CELF2: variants seen among roughly 807,000 people sequenced by gnomAD.
CELF2 encodes CUGBP Elav-like family member 2.
CELF2 carries 8 observed loss-of-function variants against 62.6 expected under a neutral mutation model. The observed-to-expected ratio is 0.13, with a 90% confidence interval of 0.07 to 0.23. CELF2 has a LOEUF of 0.23. CELF2 is among the 10% of genes least tolerant of loss of function. The pLI is 1.00. For missense variants in CELF2, 333 were observed against 671.0 expected, an observed-to-expected ratio of 0.50 and a Z score of 5.56; for synonymous variants, 258 against 250.0, an observed-to-expected ratio of 1.03 and a Z score of -0.30.
the CELF2 span, among the ~76,000 whole-genome samples, chr10:10,730,239 G>C: frequency 6.6e-6 from 1 of 152,162 alleles, no homozygotes; most frequent in African/African-American, 2.4e-5. Flanking sequence ...CTCTTTGGGA[G>C]GCCAAAGTAG....
chr10:11,065,700 A>C (rs200563661), intron 1 of CELF2, among the ~76,000 whole-genome samples: 2 of 151,834 alleles, frequency 1.3e-5, no homozygotes, highest in Non-Finnish European at 2.9e-5. Context: ...GACAAACCCC[A>C]CCCCCCGCCA....
rs749051644 is a variant in CELF2, at chr10:11,290,426, G to T, written c.976+1874G>T. 2.0e-5 allele frequency among the ~76,000 whole-genome samples: 3 copies of T among 151,970 alleles called. No individual in the cohort carries two copies. Among genetic ancestry groups the T allele is most frequent in the Non-Finnish European group, 4.4e-5 (3 of 68,016 alleles). ...GTGGACCGCGTCCGTTCCAGCCCAC[G>T]TTGGGAGGAGTGTGAGCTTGTTGCA... On this transcript the variant is annotated intron_variant, in intron 9 of 12. Coordinates refer to ENST00000633077, the MANE Select transcript of CELF2 (RefSeq NM_001326342.2). This position sits in a 1 kb window ranked among gnomAD's most constrained non-coding sequence, Gnocchi z 4.3.
the CELF2 span, among the ~76,000 whole-genome samples, chr10:10,697,833 G>A: frequency 0.21 from 31,623 of 152,052 alleles, 3,601 homozygotes; most frequent in South Asian, 0.43. Flanking sequence ...TGTCACCCAG[G>A]CTGGAGTCCA....
chr10:10,924,898 C>T (rs1046111737), intron 2 of CELF2: 4 of 152,024 alleles, frequency 2.6e-5, no homozygotes, highest in African/African-American at 9.7e-5. Context: ...AGACAAAAGC[C>T]GTTATATGCC....
intron 1 of CELF2, among the ~76,000 whole-genome samples, chr10:11,121,665 A>T (rs2057765279): frequency 6.6e-6 from 1 of 152,192 alleles, no homozygotes; most frequent in Admixed American, 6.5e-5. Flanking sequence ...AGTGCAATGA[A>T]GTAAGCTTGC....
At chr10:10,651,789 A>T in the CELF2 span, among the ~76,000 whole-genome samples, 1 of 151,966 alleles carries the variant, frequency 6.6e-6, no homozygotes, top group Non-Finnish European at 1.5e-5. Flanking sequence ...GCACAGAAAA[A>T]CTGGAAACTC....
At chr10:11,186,839 T>C (rs920753254) in intron 2 of CELF2, among the ~76,000 whole-genome samples, 12 of 152,180 alleles carry the variant, frequency 7.9e-5, no homozygotes, top group Admixed American at 4.6e-4. Context: ...GATCTCAACC[T>C]GTATTTGAGA....
At chr10:10,486,986 T>C in the CELF2 span, among the ~76,000 whole-genome samples, 10 of 152,192 alleles carry the variant, frequency 6.6e-5, no homozygotes, top group African/African-American at 2.4e-4. Context: ...TAGTATAAAA[T>C]TAAATTTCCC....
Position 11,227,560 on chromosome 10 carries a change from C to T in CELF2, c.354+10053C>T, listed in dbSNP as rs1312009197. 1.3e-5 allele frequency among the ~76,000 whole-genome samples: 2 copies of T among 152,198 alleles called. No homozygotes were observed. Among genetic ancestry groups the T allele is most frequent in the Non-Finnish European group, 2.9e-5 (2 of 68,038 alleles). Reference sequence around the variant, plus strand: ...ACTGGCTGCGATATTAGGGCCAGTTCTGGGTTGGCTCTGTCTAGCCATCAC... The same window carrying T: ...ACTGGCTGCGATATTAGGGCCAGTTTTGGGTTGGCTCTGTCTAGCCATCAC... On this transcript the variant is annotated intron_variant, in intron 3 of 12. Transcript: ENST00000633077. The surrounding 1 kb of genome is among the most constrained non-coding windows in gnomAD (Gnocchi z 4.8).
intron 2 of CELF2, among the ~76,000 whole-genome samples, chr10:11,209,355 A>C (rs1375450385): frequency 4.0e-5 from 6 of 151,744 alleles, no homozygotes; most frequent in African/African-American, 1.5e-4. Context: ...AGAGTCGGTC[A>C]TAGTGCCCTG....
the CELF2 span, among the ~76,000 whole-genome samples, chr10:10,536,947 G>C: frequency 6.6e-6 from 1 of 152,288 alleles, no homozygotes; most frequent in Admixed American, 6.5e-5. Flanking sequence ...AGTGTTGCTG[G>C]GGCAAGAGGA....
intron 3 of CELF2, among the ~76,000 whole-genome samples, chr10:11,241,492 G>A (rs760932113): frequency 1.6e-4 from 24 of 152,222 alleles, no homozygotes; most frequent in Non-Finnish European, 3.2e-4. Flanking sequence ...GAGTGACCGC[G>A]CTGGGCCAGC....
At chr10:10,672,082 C>T in the CELF2 span, among the ~76,000 whole-genome samples, 3 of 152,128 alleles carry the variant, frequency 2.0e-5, no homozygotes, top group African/African-American at 7.2e-5. Context: ...CATTTTTTAA[C>T]TGGGTTGTTT....
chr10:10,632,004 G>A, the CELF2 span, among the ~76,000 whole-genome samples: 1 of 152,100 alleles, frequency 6.6e-6, no homozygotes, highest in Non-Finnish European at 1.5e-5. Context: ...ATAAACGAGA[G>A]GCCTGTGAAA....
intron 1 of CELF2, among the ~76,000 whole-genome samples, chr10:11,135,936 A>C (rs1221481621): frequency 6.6e-6 from 1 of 152,220 alleles, no homozygotes; most frequent in Non-Finnish European, 1.5e-5. Flanking sequence ...TAGGATTGGC[A>C]GTTGGACCAC....
Position 11,333,424 on chromosome 10 carries a change from C to G in CELF2, c.*4371C>G, listed in dbSNP as rs1192374359. 2 of 152,496 alleles carry G rather than the reference C, an allele frequency of 1.3e-5. No individual in the cohort carries two copies. The highest frequency in any genetic ancestry group is 4.8e-5 in the African/African-American group (2 of 41,390). 9.4% of individuals were successfully genotyped at this position (152,496 alleles called of 1,614,324 possible). On this transcript the variant is annotated 3_prime_UTR_variant, in exon 13 of 13. Coordinates refer to ENST00000633077, the MANE Select transcript of CELF2 (RefSeq NM_001326342.2). The stretch of plus-strand genomic sequence containing the variant: ...TAATCTAAATTAGAGAATTGTGATA[C>G]AATGGCAGTCCTCAAAGGCGTAACG...
intron 1 of CELF2, among the ~76,000 whole-genome samples, chr10:10,876,869 G>C (rs2061131397): frequency 6.6e-6 from 1 of 152,198 alleles, no homozygotes; most frequent in Non-Finnish European, 1.5e-5. Context: ...ATGTGTGTGT[G>C]GTCTATGTGT....
At chr10:10,745,178 C>T in the CELF2 span, among the ~76,000 whole-genome samples, 1 of 151,620 alleles carries the variant, frequency 6.6e-6, no homozygotes, top group Admixed American at 6.6e-5. Context: ...TGAAAAGAGG[C>T]CTGTTTCATG....
intron 1 of CELF2, among the ~76,000 whole-genome samples, chr10:11,147,338 C>T (rs2062460810): frequency 6.6e-6 from 1 of 152,150 alleles, no homozygotes; most frequent in Non-Finnish European, 1.5e-5. Context: ...GTGGTACTGA[C>T]ACAAAACCAG....
Sources: allele counts gnomAD v4.1 joint callset (sites outside exome capture counted in the v4.1 genomes callset), GRCh38; gene constraint gnomAD v4.1.1; non-coding constraint Gnocchi (gnomAD v3.1); transcripts MANE v1.5; gene names NCBI Gene and HGNC (gene_info 2026-07-23, HGNC 2026-07-21).